The following SMARCA4 variants were observed in gnomAD, a reference collection of about 807,000 sequenced individuals.
SMARCA4 encodes SWI/SNF-related matrix-associated actin-dependent regulator of chromatin subfamily A member 4.
A neutral mutation model predicts 193.9 loss-of-function variants in SMARCA4; 31 were observed. That is an observed-to-expected ratio of 0.16 (90% CI 0.12 to 0.22). The LOEUF (loss-of-function observed/expected upper bound fraction) is 0.22. SMARCA4 is among the 10% of genes least tolerant of loss of function. The pLI, the probability that SMARCA4 is intolerant of heterozygous loss-of-function variation, is 1.00. For missense variants in SMARCA4, 1,148 were observed against 2,296.0 expected, an observed-to-expected ratio of 0.50 and a Z score of 10.22; for synonymous variants, 942 against 933.1, an observed-to-expected ratio of 1.01 and a Z score of -0.17.
Position 11,057,324 on chromosome 19 carries a change from G to A in SMARCA4, c.4425-931G>A, listed in dbSNP as rs114177854. On this transcript the variant is annotated intron_variant, in intron 30 of 34. Transcript: ENST00000344626. The stretch of plus-strand genomic sequence containing the variant: ...GGTATGGGTAAGAGCTGGGAGCGCT[G>A]TGCACGAGGCCTGGCAGCATCTCAT... Among the ~76,000 whole-genome samples, 313 of 152,356 alleles carry A rather than the reference G, an allele frequency of 2.1e-3. 4 individuals carry two copies. Among genetic ancestry groups the A allele is most frequent in the African/African-American group, 7.2e-3 (299 of 41,580 alleles).
At chr19:11,028,196 G>A (rs1271261249) in intron 24 of SMARCA4, among the ~76,000 whole-genome samples, 1 of 152,246 alleles carries the variant, frequency 6.6e-6, no homozygotes, top group Non-Finnish European at 1.5e-5. Flanking sequence ...TGGGCGCACT[G>A]GGGAAGGGGT....
Position 11,010,433 on chromosome 19 carries a change from C to T in SMARCA4, c.2176C>T (p.Arg726Cys), listed in dbSNP as rs778049192. 20 of 1,613,820 alleles carry T rather than the reference C, an allele frequency of 1.2e-5. No individual in the cohort carries two copies. The highest frequency in any genetic ancestry group is 4.5e-5 in the East Asian group (2 of 44,892). The change falls in exon 15 of 35, where the codon CGT becomes TGT. Residue 726 changes from arginine to cysteine, a missense_variant. Arg to Cys is a radical substitution (Grantham distance 180). Transcript: ENST00000344626. Reference sequence around the variant, plus strand: ...ATATGGCGTGTCCCAGGCCCTTGCACGTGGCCTGCAGTCCTACTATGCCGT... The same window carrying T: ...ATATGGCGTGTCCCAGGCCCTTGCATGTGGCCTGCAGTCCTACTATGCCGT... ...DEYGVSQALA[R>C]GLQSYYAVAH...
chr19:11,035,712 C>T (rs1423882195), intron 29 of SMARCA4, among the ~76,000 whole-genome samples: 2 of 152,228 alleles, frequency 1.3e-5, no homozygotes, highest in Admixed American at 1.3e-4. Context: ...GGCAGCTGGC[C>T]CTGCAACAGC....
chr19:11,060,469 A>G, intron 34 of SMARCA4: 1 of 529,372 alleles, frequency 1.9e-6, no homozygotes, highest in Non-Finnish European at 3.4e-6. Context: ...AGGCGGTCCC[A>G]GGGCACCAGG....
rs531903005 is a variant in SMARCA4 at position 11,003,191 on chromosome 19, G to T, written c.1943+32G>T. The T allele has an allele frequency of 5.6e-6, 9 of 1,613,744 alleles. No individual in the cohort carries two copies. The East Asian group carries it at 1.8e-4, about 32-fold the overall frequency. On this transcript the variant is annotated intron_variant, in intron 12 of 34. Coordinates refer to ENST00000344626, the MANE Select transcript of SMARCA4 (RefSeq NM_003072.5). ...TGGGCCTTGCATTCCAGATGCAGTG[G>T]GGATCCAAGTCCTCGGTGGGCCTTG...
chr19:11,057,076 C>T (rs2076587989), intron 30 of SMARCA4, among the ~76,000 whole-genome samples: 1 of 152,270 alleles, frequency 6.6e-6, no homozygotes, highest in Admixed American at 6.5e-5. Context: ...CTCAGCTCCT[C>T]CTTCCCATCA....
At position 11,033,604 on chromosome 19, in the gene SMARCA4, C is replaced by T; in HGVS notation, c.3774+87C>T. On this transcript the variant is annotated intron_variant, in intron 26 of 34. Coordinates refer to ENST00000344626, the MANE Select transcript of SMARCA4 (RefSeq NM_003072.5). This position sits in a 1 kb window ranked among gnomAD's most constrained non-coding sequence, Gnocchi z 9.8. ...CATTTTTGTTTTTTTACCTTTTTTG[C>T]ACTCTTATTTTTTTTGCATCCCTTT... 1 of 1,035,008 alleles carries T rather than the reference C, an allele frequency of 9.7e-7. No individual in the cohort carries two copies. The highest frequency in any genetic ancestry group is 1.6e-5 in the African/African-American group (1 of 63,820). 64.1% of individuals were successfully genotyped at this position (1,035,008 alleles called of 1,614,324 possible).
chr19:11,015,360 C>T (rs1477395775), intron 16 of SMARCA4, among the ~76,000 whole-genome samples: 1 of 152,192 alleles, frequency 6.6e-6, no homozygotes, highest in African/African-American at 2.4e-5. Context: ...TTCCTCATTT[C>T]GTCTTTGTCC....
chr19:11,041,636 TGC>T lies in SMARCA4; in HGVS notation c.4424+77_4424+78del. The T allele has an allele frequency of 1.5e-6, 2 of 1,343,006 alleles. No individual in the cohort carries two copies. The highest frequency in any genetic ancestry group is 1.8e-5 in the Admixed American group (1 of 56,378). 83.2% of individuals were successfully genotyped at this position (1,343,006 alleles called of 1,614,324 possible). ...AGGCCTGGCATCTGCACTCTGACTCTGCACACTCAGGCTTGGGCCGCTCACTC... is the reference window on the plus strand; with the variant it reads ...AGGCCTGGCATCTGCACTCTGACTCTACACTCAGGCTTGGGCCGCTCACTC... On this transcript the variant is annotated intron_variant, in intron 30 of 34. Coordinates refer to ENST00000344626, the MANE Select transcript of SMARCA4 (RefSeq NM_003072.5). This position sits in a 1 kb window ranked among gnomAD's most constrained non-coding sequence, Gnocchi z 5.6.
chr19:11,031,007 C>G lies in SMARCA4; in HGVS notation c.3546+114C>G. On this transcript the variant is annotated intron_variant, in intron 25 of 34. Coordinates refer to ENST00000344626, the MANE Select transcript of SMARCA4 (RefSeq NM_003072.5). The surrounding 1 kb of genome is among the most constrained non-coding windows in gnomAD (Gnocchi z 4.3). Reference sequence around the variant, plus strand: ...GCCTCCTCCACATTGTCTTGGACCCCAGGAGCCGGGAGGAGCTGCACCCAT... The same window carrying G: ...GCCTCCTCCACATTGTCTTGGACCCGAGGAGCCGGGAGGAGCTGCACCCAT... 1 of 1,025,666 alleles carries G rather than the reference C, an allele frequency of 9.7e-7. No individual in the cohort carries two copies. Among genetic ancestry groups the G allele is most frequent in the Non-Finnish European group, 1.5e-6 (1 of 680,528 alleles). 63.5% of individuals were successfully genotyped at this position (1,025,666 alleles called of 1,614,324 possible). A position where few individuals can be genotyped will look rare whatever the true frequency, so the allele number is the denominator to read the frequency against.
chr19:11,036,888 C>G (rs989518498), intron 29 of SMARCA4, among the ~76,000 whole-genome samples: 2 of 152,178 alleles, frequency 1.3e-5, no homozygotes, highest in Non-Finnish European at 2.9e-5. Flanking sequence ...TCAGTGGAGT[C>G]CTACAGCGTG....
chr19:11,002,157 A>G (rs552021303), intron 11 of SMARCA4, among the ~76,000 whole-genome samples: 1 of 152,294 alleles, frequency 6.6e-6, no homozygotes, highest in South Asian at 2.1e-4. Context: ...TGAAGAGAAA[A>G]ACTTAGGCTG....
In SMARCA4 at chr19:11,034,281, A is replaced by G. The variant is rs542930764; in HGVS notation, c.3951+81A>G. Reference sequence around the variant, plus strand: ...GAGCAAAGCAGACGTCCTAGTGCCCATGGTGGTATCCCTAGCAGGTCAGGG... The same window carrying G: ...GAGCAAAGCAGACGTCCTAGTGCCCGTGGTGGTATCCCTAGCAGGTCAGGG... On this transcript the variant is annotated intron_variant, in intron 28 of 34. Coordinates refer to ENST00000344626, the MANE Select transcript of SMARCA4 (RefSeq NM_003072.5). This position sits in a 1 kb window ranked among gnomAD's most constrained non-coding sequence, Gnocchi z 7.0. 3.1e-5 allele frequency: 34 copies of G among 1,109,320 alleles called. No individual in the cohort carries two copies. Among genetic ancestry groups the G allele is most frequent in the Middle Eastern group, 1.9e-4 (1 of 5,140 alleles). The allele number at this position is 1,109,320 out of a possible 1,614,324, so 68.7% of individuals were successfully genotyped here. A position where few individuals can be genotyped will look rare whatever the true frequency, so the allele number is the denominator to read the frequency against.
At chr19:10,975,318 CTT>C (rs372249804) in intron 1 of SMARCA4, among the ~76,000 whole-genome samples, 5 of 107,422 alleles carry the variant, frequency 4.7e-5, no homozygotes, top group Admixed American at 1.0e-4. Flanking sequence ...TCCAACCTTA[CTT>C]TTTTTTTTTT....
intron 8 of SMARCA4, among the ~76,000 whole-genome samples, chr19:10,994,318 GTT>G (rs1006312137): frequency 3.0e-5 from 3 of 98,896 alleles, no homozygotes; most frequent in African/African-American, 4.1e-5. Flanking sequence ...GATATTCTAG[GTT>G]TTTTTTTTTT....
At chr19:11,021,363 C>G (rs2089851521) in intron 18 of SMARCA4, 1 of 379,432 alleles carries the variant, frequency 2.6e-6, no homozygotes, top group Non-Finnish European at 5.2e-6. Context: ...ACCAGCAGGA[C>G]AAGTCCCCCA....
chr19:11,003,189 T>C (rs2146101129), intron 12 of SMARCA4, 30 bp downstream of exon 12: 1 of 1,613,752 alleles, frequency 6.2e-7, no homozygotes, highest in Non-Finnish European at 8.5e-7. Flanking sequence ...CCAGATGCAG[T>C]GGGGATCCAA....
At chr19:11,029,784 C>T (rs2090514317) in intron 24 of SMARCA4, among the ~76,000 whole-genome samples, 1 of 152,180 alleles carries the variant, frequency 6.6e-6, no homozygotes, top group South Asian at 2.1e-4. Flanking sequence ...AGCGATTCTC[C>T]TGCCTCATCC....
Position 10,984,127 on chromosome 19 carries a change from G to A in SMARCA4, c.-25G>A, listed in dbSNP as rs2085798600. ...GACCAGGACTGTCTTCCAGCAGGAGGCCACTGTCTGCAGCTCCCGTGAAGA... is the reference window on the plus strand; with the variant it reads ...GACCAGGACTGTCTTCCAGCAGGAGACCACTGTCTGCAGCTCCCGTGAAGA... On this transcript the variant is annotated 5_prime_UTR_variant, in exon 2 of 35. Transcript: ENST00000344626. This position sits in a 1 kb window ranked among gnomAD's most constrained non-coding sequence, Gnocchi z 4.3. 1 of 1,613,522 alleles carries A rather than the reference G, an allele frequency of 6.2e-7. No homozygotes were observed. The highest frequency in any genetic ancestry group is 8.5e-7 in the Non-Finnish European group (1 of 1,179,884).
Sources: gnomAD v4.1 joint callset for allele counts (sites outside exome capture counted in the v4.1 genomes callset) on GRCh38, gnomAD v4.1.1 for gene constraint, Gnocchi (gnomAD v3.1) non-coding constraint, MANE v1.5 for transcripts, NCBI Gene and HGNC (gene_info 2026-07-23, HGNC 2026-07-21) for gene names.